Variants in TRIM63 observed in about 807,000 individuals in gnomAD.
TRIM63 encodes E3 ubiquitin-protein ligase TRIM63.
In TRIM63, 48 loss-of-function variants were observed where a neutral mutation model predicts 46.0. The observed-to-expected ratio is 1.04, with a 90% confidence interval of 0.83 to 1.33. The LOEUF (loss-of-function observed/expected upper bound fraction) is 1.33. TRIM63 is among the 40% of genes most tolerant of loss of function. The pLI, the probability that TRIM63 is intolerant of heterozygous loss-of-function variation, is 0.00. For missense variants in TRIM63, 455 were observed against 441.2 expected, an observed-to-expected ratio of 1.03 and a Z score of -0.28; for synonymous variants, 175 against 162.8, an observed-to-expected ratio of 1.08 and a Z score of -0.57.
Position 26,060,378 on chromosome 1 carries a change from G to A in TRIM63, c.502-17C>T, listed in dbSNP as rs369347380. ...CAGTTCAGTCTAGATGGGGGTGTGG[G>A]GGTCAGGAGAGGAGAGACACAAATA... is the stretch of plus-strand genomic sequence containing the variant. On this transcript the variant is annotated splice_polypyrimidine_tract_variant and intron_variant, in intron 3 of 8. Transcript: ENST00000374272. 3.1e-5 allele frequency: 50 copies of A among 1,607,744 alleles called. No individual in the cohort carries two copies. The highest frequency in any genetic ancestry group is 4.3e-5 in the Non-Finnish European group (50 of 1,174,658).
chr1:26,053,782 T>A (rs957576949), intron 8 of TRIM63, 111 bp downstream of exon 8: 11 of 831,622 alleles, frequency 1.3e-5, no homozygotes, highest in Non-Finnish European at 2.1e-5. Context: ...CTGGGGACAG[T>A]TCTGAGCGTC....
chr1:26,057,724 C>A, intron 5 of TRIM63, 74 bp from the exon 6 acceptor site: 1 of 1,492,276 alleles, frequency 6.7e-7, no homozygotes, highest in Non-Finnish European at 9.1e-7. Flanking sequence ...AACTAGTGAA[C>A]TAGGTGTTGT....
At position 26,053,950 on chromosome 1, in the gene TRIM63, C is replaced by A. The variant is rs1162428271; in HGVS notation, c.994G>T (p.Glu332Ter). The A allele has an allele frequency of 1.9e-6, 3 of 1,588,312 alleles. No homozygotes were observed. The highest frequency in any genetic ancestry group is 2.7e-5 in the African/African-American group (2 of 73,022). Residue 332 changes from glutamate to a stop codon, truncating the protein, a stop_gained, in exon 8 of 9, where the codon GAA becomes TAA. Transcript: ENST00000374272. LOFTEE classifies it high-confidence loss of function. Reference sequence around the variant, plus strand: ...TCCTGATCTTCTTCTTCAATGAATTCTTCCTCTTCCTCATCTGTGACAAAA... The same window carrying A: ...TCCTGATCTTCTTCTTCAATGAATTATTCCTCTTCCTCATCTGTGACAAAA... ...IDFGTDEEEE[E>*]FIEEEDQEEE...
intron 2 of TRIM63, 74 bp downstream of exon 2, chr1:26,066,194 G>T: frequency 6.5e-7 from 1 of 1,530,614 alleles, no homozygotes; most frequent in African/African-American, 1.4e-5. Flanking sequence ...TGAAGGAGGG[G>T]GAAGGAGCGT....
At chr1:26,060,411 G>A in intron 3 of TRIM63, 50 bp from the exon 4 acceptor site, 1 of 1,447,474 alleles carries the variant, frequency 6.9e-7, no homozygotes, top group Non-Finnish European at 9.7e-7. Context: ...ATAGCCTCAG[G>A]GCCTACCCAC....
rs769818445 is a variant in TRIM63 at position 26,058,589 on chromosome 1, T to C, written c.632A>G (p.Gln211Arg). Residue 211 changes from glutamine to arginine, a missense_variant, in exon 5 of 9, where the codon CAG becomes CGG. By Grantham distance (43) the Gln-to-Arg change is conservative. Coordinates refer to ENST00000374272, the MANE Select transcript of TRIM63 (RefSeq NM_032588.4). The part of the protein sequence containing the change: ...NSHQVKEELS[Q>R]KFDTLYAILD... ...GATGGCATACAACGTGTCAAACTTC[T>C]GGCTCAGCTCTTCCTTTACCTGGTG... 17 of 1,614,076 alleles carry C rather than the reference T, an allele frequency of 1.1e-5. No individual in the cohort carries two copies. The Admixed American group carries it at 2.7e-4, about 25-fold the overall frequency.
chr1:26,053,509 A>G (rs2050540920), intron 8 of TRIM63, among the ~76,000 whole-genome samples: 1 of 152,192 alleles, frequency 6.6e-6, no homozygotes, highest in Non-Finnish European at 1.5e-5. Context: ...GGCTCGAGCC[A>G]CCGTGCCTGT....
chr1:26,066,195 G>A (rs1399308320), intron 2 of TRIM63, 73 bp downstream of exon 2: 39 of 1,533,022 alleles, frequency 2.5e-5, no homozygotes, highest in Non-Finnish European at 3.3e-5. Flanking sequence ...GAAGGAGGGG[G>A]AAGGAGCGTG....
chr1:26,054,073 C>A, intron 7 of TRIM63, 109 bp from the exon 8 acceptor site: 1 of 711,182 alleles, frequency 1.4e-6, no homozygotes, highest in South Asian at 2.1e-5. Flanking sequence ...TGTGCCCAGT[C>A]GGGTCAAACG....
intron 2 of TRIM63, among the ~76,000 whole-genome samples, chr1:26,063,639 C>T (rs11247853): frequency 0.029 from 4,357 of 152,302 alleles, 215 homozygotes; most frequent in African/African-American, 0.099. Flanking sequence ...ACTTTGGCAT[C>T]GGGGTTCATA....
At chr1:26,054,968 CA>C (rs60719420) in intron 7 of TRIM63, among the ~76,000 whole-genome samples, 27,293 of 97,292 alleles carry the variant, frequency 0.28, 2,823 homozygotes, top group East Asian at 0.44. Flanking sequence ...AACTCCGTCT[CA>C]AAAAAAAAAA....
Position 26,051,786 on chromosome 1 carries a change from AC to A in TRIM63, c.*86del. 4.4e-6 allele frequency: 1 copy of A among 226,036 alleles called. No individual in the cohort carries two copies. The highest frequency in any genetic ancestry group is 9.5e-6 in the Non-Finnish European group (1 of 104,886). The allele number at this position is 226,036 out of a possible 1,614,324, so 14.0% of individuals were successfully genotyped here. ...CCCTCCAGGGGCCCCGACCCCTCCC[AC>A]CCTGGGCCTGTCACCAAGGCCGCTG... On this transcript the variant is annotated 3_prime_UTR_variant, in exon 9 of 9. Coordinates refer to ENST00000374272, the MANE Select transcript of TRIM63 (RefSeq NM_032588.4).
intron 2 of TRIM63, among the ~76,000 whole-genome samples, chr1:26,063,303 T>C (rs2050644487): frequency 6.6e-6 from 1 of 152,112 alleles, no homozygotes; most frequent in Admixed American, 6.5e-5. Flanking sequence ...CTACCTTCGA[T>C]TCCCAGCCCC....
rs551931268 is a variant in TRIM63, at chr1:26,060,327, G to A, written c.536C>T (p.Ala179Val). ...GATGGTCTGCACACGGTCATTCCCCGCCACCAGCATGGAGATACAGTTATT... is the reference window on the plus strand; with the variant it reads ...GATGGTCTGCACACGGTCATTCCCCACCACCAGCATGGAGATACAGTTATT... ...ELNNCISMLVAGNDRVQTIIT... is the reference protein window; with the variant it reads ...ELNNCISMLVVGNDRVQTIIT... The change falls in exon 4 of 9, where the codon GCG becomes GTG. Residue 179 changes from alanine (A) to valine (V), a missense_variant. Physicochemically the swap from Ala to Val is moderately conservative, Grantham distance 64. Coordinates refer to ENST00000374272, the MANE Select transcript of TRIM63 (RefSeq NM_032588.4). The A allele has an allele frequency of 3.5e-5, 56 of 1,613,788 alleles. No homozygotes were observed. The highest frequency in any genetic ancestry group is 6.7e-5 in the East Asian group (3 of 44,890).
chr1:26,062,663 T>C (rs1437268340), intron 2 of TRIM63, among the ~76,000 whole-genome samples: 1 of 152,246 alleles, frequency 6.6e-6, no homozygotes, highest in Non-Finnish European at 1.5e-5. Flanking sequence ...CTAACACATA[T>C]GCTTAGAACT....
At chr1:26,056,463 T>C (rs1238645119) in intron 7 of TRIM63, among the ~76,000 whole-genome samples, 1 of 152,204 alleles carries the variant, frequency 6.6e-6, no homozygotes, top group Non-Finnish European at 1.5e-5. Context: ...TGCATTGATA[T>C]CTGATTTTTT....
rs1020142235 is a variant in TRIM63, at chr1:26,067,562, G to T, written c.-68C>A. ...CTAACTTTGCTCTAAGTAGACCTGG[G>T]GGTCTTGCCTTTGTCACAAAACACC... On this transcript the variant is annotated 5_prime_UTR_variant, in exon 1 of 9. Transcript: ENST00000374272. 5 of 1,548,884 alleles carry T rather than the reference G, an allele frequency of 3.2e-6. No homozygotes were observed. The highest frequency in any genetic ancestry group is 1.8e-5 in the Admixed American group (1 of 54,996).
At chr1:26,064,289 G>A (rs1425444749) in intron 2 of TRIM63, among the ~76,000 whole-genome samples, 2 of 152,052 alleles carry the variant, frequency 1.3e-5, no homozygotes, top group Non-Finnish European at 2.9e-5. Context: ...TAATTAGCTG[G>A]GCACGTTGGC....
intron 3 of TRIM63, 64 bp from the exon 4 acceptor site, chr1:26,060,425 G>C: frequency 1.6e-6 from 2 of 1,283,340 alleles, no homozygotes; most frequent in Non-Finnish European, 2.3e-6. Context: ...TACCCACTGG[G>C]GCATGGCAGC....
Sources: allele counts gnomAD v4.1 joint callset (sites outside exome capture counted in the v4.1 genomes callset), GRCh38; gene constraint gnomAD v4.1.1; transcripts MANE v1.5; gene names NCBI Gene and HGNC (gene_info 2026-07-23, HGNC 2026-07-21).